Variants in NOP58 observed in about 807,000 individuals in gnomAD.
NOP58 encodes nucleolar protein 58.
NOP58 carries 44 observed loss-of-function variants against 71.2 expected under a neutral mutation model. That is an observed-to-expected ratio of 0.62 (90% CI 0.49 to 0.79). NOP58 has a LOEUF of 0.79. Among genes scored for constraint, NOP58 ranks in the 30% least tolerant of loss-of-function variants. NOP58 has a pLI of 0.00. For synonymous variants in NOP58, 228 were observed against 200.3 expected (o/e 1.14, Z -1.17); for missense variants, 538 against 620.2 (o/e 0.87, Z 1.41).
Position 202,282,394 on chromosome 2 carries a change from A to G in NOP58, c.219A>G (p.Lys73=), listed in dbSNP as rs376262007. Residue 73 remains lysine (K), a synonymous_variant, in exon 4 of 15, where the codon AAA becomes AAG. Transcript: ENST00000264279. ...AGGGCAAAATCAATAAGCAGCTGAAAAAAGTTCTGAAGAAAATAGTAAAAG... is the reference window on the plus strand; with the variant it reads ...AGGGCAAAATCAATAAGCAGCTGAAGAAAGTTCTGAAGAAAATAGTAAAAG... ...LMEGKINKQL[K]KVLKKIVKEA... 3.7e-6 allele frequency: 6 copies of G among 1,613,562 alleles called. No individual in the cohort carries two copies. The highest frequency in any genetic ancestry group is 5.1e-6 in the Non-Finnish European group (6 of 1,179,880).
At chr2:202,294,084 G>A (rs1346127930) in intron 9 of NOP58, among the ~76,000 whole-genome samples, 2 of 151,712 alleles carry the variant, frequency 1.3e-5, no homozygotes, top group Non-Finnish European at 2.9e-5. Context: ...AGAAGCTGAG[G>A]TGGGTGGGTC....
rs1414722148 is a variant in NOP58 at position 202,300,270 on chromosome 2, A to G, written c.1305A>G (p.Thr435=). ...VKTYDPSGDS[T]LPTCSKKRKI... is the part of the protein sequence containing the mutation. The stretch of plus-strand genomic sequence containing the variant: ...CTTACGATCCTTCTGGTGACTCCAC[A>G]CTTCCAACCTGTTCTAAAAAACGCA... The change falls in exon 13 of 15, where the codon ACA becomes ACG. Residue 435 remains threonine (T), a synonymous_variant. Coordinates refer to ENST00000264279, the MANE Select transcript of NOP58 (RefSeq NM_015934.5). 1.3e-6 allele frequency: 2 copies of G among 1,598,360 alleles called. No individual in the cohort carries two copies. The highest frequency in any genetic ancestry group is 1.4e-5 in the African/African-American group (1 of 73,848).
At chr2:202,275,805 A>T (rs1232243693) in intron 2 of NOP58, 1 of 152,258 alleles carries the variant, frequency 6.6e-6, no homozygotes, top group East Asian at 1.9e-4. Flanking sequence ...AGTAGTTGGG[A>T]TTACAGGTGC....
chr2:202,291,845 A>G (rs1230958069), intron 8 of NOP58, among the ~76,000 whole-genome samples: 1 of 145,316 alleles, frequency 6.9e-6, no homozygotes, highest in Non-Finnish European at 1.5e-5. Flanking sequence ...GCAGACAATT[A>G]TGGATTGAGC....
At chr2:202,293,661 C>T (rs1418395064) in intron 9 of NOP58, among the ~76,000 whole-genome samples, 1 of 152,112 alleles carries the variant, frequency 6.6e-6, no homozygotes, top group African/African-American at 2.4e-5. Flanking sequence ...ACCTCTGCCT[C>T]CCAGGTTCAA....
At chr2:202,278,108 T>C in intron 3 of NOP58, 106 bp downstream of exon 3, 1 of 788,028 alleles carries the variant, frequency 1.3e-6, no homozygotes, top group East Asian at 2.5e-5. Context: ...GTTAACCTTA[T>C]TCAATGTTGT....
intron 1 of NOP58, among the ~76,000 whole-genome samples, chr2:202,266,650 A>G (rs1012999110): frequency 1.3e-5 from 2 of 152,186 alleles, no homozygotes; most frequent in East Asian, 1.9e-4. Context: ...ATGACCTGCT[A>G]ATTTGTCTTA....
chr2:202,290,219 C>G (rs992399830), intron 6 of NOP58, 104 bp from the exon 7 acceptor site: 3 of 873,382 alleles, frequency 3.4e-6, no homozygotes, highest in Non-Finnish European at 1.7e-6. Flanking sequence ...GGATTACAGA[C>G]ATGAGCCACC....
intron 1 of NOP58, among the ~76,000 whole-genome samples, chr2:202,269,175 A>AT (rs1478254290): frequency 2.7e-5 from 4 of 148,810 alleles, no homozygotes; most frequent in Admixed American, 1.3e-4. Context: ...TTGTATTTGT[A>AT]TTTATTTATT....
intron 1 of NOP58, among the ~76,000 whole-genome samples, chr2:202,269,171 TTGTA>T (rs1688474154): frequency 2.0e-5 from 3 of 151,440 alleles, no homozygotes; most frequent in Admixed American, 6.6e-5. Flanking sequence ...TTATTTGTAT[TTGTA>T]TTTATTTATT....
chr2:202,268,352 G>A (rs1688451743), intron 1 of NOP58, among the ~76,000 whole-genome samples: 2 of 151,926 alleles, frequency 1.3e-5, no homozygotes, highest in South Asian at 4.2e-4. Flanking sequence ...AACCAACATG[G>A]TGAAACCCCG....
chr2:202,279,071 A>G (rs1688656819), intron 3 of NOP58, among the ~76,000 whole-genome samples: 1 of 152,226 alleles, frequency 6.6e-6, no homozygotes, highest in African/African-American at 2.4e-5. Context: ...TGTTCATCAC[A>G]GCTTTTAAGT....
rs141220365 is a variant in NOP58 at position 202,284,443 on chromosome 2, A to G, written c.396A>G (p.Pro132=). ...QMDGLIPGVE[P]REMAAMCLGL... The stretch of plus-strand genomic sequence containing the variant: ...ATGGATTAATCCCTGGGGTAGAACC[A>G]CGTGAAATGGCAGCTATGTGTCTTG... The change falls in exon 5 of 15, where the codon CCA becomes CCG. Residue 132 remains proline, a synonymous_variant. Transcript: ENST00000264279. 6.6e-4 allele frequency: 1,065 copies of G among 1,614,066 alleles called. 6 individuals are homozygous for G. In the African/African-American group the frequency reaches 0.012, roughly 19 times the overall value.
chr2:202,278,192 G>A lies in NOP58; in HGVS notation c.175+190G>A, dbSNP rs1306517487. The stretch of plus-strand genomic sequence containing the variant: ...GTCACTACCACTGAGACAACATTGA[G>A]TTAGCTTTTTTCACCATAGGGCTGG... On this transcript the variant is annotated intron_variant, in intron 3 of 14. Transcript: ENST00000264279. 4 of 683,552 alleles carry A rather than the reference G, an allele frequency of 5.9e-6. No individual in the cohort carries two copies. The African/African-American group carries it at 7.1e-5, about 12-fold the overall frequency. The allele number at this position is 683,552 out of a possible 1,614,324, so 42.3% of individuals were successfully genotyped here.
At chr2:202,283,773 G>A (rs1039599843) in intron 4 of NOP58, among the ~76,000 whole-genome samples, 2 of 152,044 alleles carry the variant, frequency 1.3e-5, no homozygotes, top group African/African-American at 4.8e-5. Context: ...TAAATAACAG[G>A]TAGTAAAAGA....
At chr2:202,276,001 A>T (rs1688583957) in intron 2 of NOP58, among the ~76,000 whole-genome samples, 1 of 151,998 alleles carries the variant, frequency 6.6e-6, no homozygotes. Flanking sequence ...TATTTAAGGG[A>T]CCACACTAGT....
intron 13 of NOP58, among the ~76,000 whole-genome samples, chr2:202,302,114 G>C (rs1461818700): frequency 8.8e-6 from 1 of 114,234 alleles, no homozygotes; most frequent in Non-Finnish European, 1.7e-5. Flanking sequence ...TTGAGACAGA[G>C]TCTCCCTCTG....
At chr2:202,278,504 G>A (rs1344505553) in intron 3 of NOP58, among the ~76,000 whole-genome samples, 2 of 152,112 alleles carry the variant, frequency 1.3e-5, no homozygotes, top group Admixed American at 6.6e-5. Flanking sequence ...ACTGACAGAG[G>A]TGTTATTTTT....
At chr2:202,303,342 T>C in intron 14 of NOP58, 44 bp from the exon 15 acceptor site, 1 of 1,607,688 alleles carries the variant, frequency 6.2e-7, no homozygotes, top group African/African-American at 1.3e-5. Context: ...TACTCACCCA[T>C]ACAATTTCAG....
Sources: allele counts gnomAD v4.1 joint callset (sites outside exome capture counted in the v4.1 genomes callset), GRCh38; gene constraint gnomAD v4.1.1; transcripts MANE v1.5; gene names NCBI Gene and HGNC (gene_info 2026-07-23, HGNC 2026-07-21).